Variants in FHIT observed in about 807,000 individuals in gnomAD.
FHIT encodes the protein bis(5'-adenosyl)-triphosphatase.
Under a neutral mutation model 17.9 loss-of-function variants are expected in FHIT, and 19 were observed. The ratio of observed to expected loss-of-function variants is 1.06; its 90% CI spans 0.74 to 1.56. FHIT has a LOEUF of 1.56. Among genes scored for constraint, FHIT ranks in the 40% most tolerant of loss-of-function variants. FHIT has a pLI of 0.00. For synonymous variants in FHIT, 81 were observed against 69.7 expected, an observed-to-expected ratio of 1.16 and a Z score of -0.81; for missense variants, 248 against 189.2, an observed-to-expected ratio of 1.31 and a Z score of -1.82.
chr3:60,864,530 T>A (rs977580242), intron 3 of FHIT, among the ~76,000 whole-genome samples: 1 of 152,052 alleles, frequency 6.6e-6, no homozygotes, highest in African/African-American at 2.4e-5. Flanking sequence ...AGAAACTGCA[T>A]TGGTAAAGCC....
At chr3:60,442,880 T>G (rs866350891) in intron 5 of FHIT, among the ~76,000 whole-genome samples, 2 of 152,124 alleles carry the variant, frequency 1.3e-5, no homozygotes, top group South Asian at 2.1e-4. Flanking sequence ...GCCATTTTCA[T>G]GATATTGATT....
rs368116713 is a variant in FHIT at position 60,537,663 on chromosome 3, G to A, written c.-17-684C>T. 2.2e-3 allele frequency among the ~76,000 whole-genome samples: 332 copies of A among 152,260 alleles called. 2 individuals are homozygous for A. The highest frequency in any genetic ancestry group is 0.017 in the Middle Eastern group (5 of 294). On this transcript the variant is annotated intron_variant, in intron 4 of 9. Coordinates refer to ENST00000492590, the MANE Select transcript of FHIT (RefSeq NM_002012.4). Reference sequence around the variant, plus strand: ...TTCCTTTTGAGGGAAAGCCATGGGGGGCCGGGGGCAGGAAAGGGAGGCTGA... The same window carrying A: ...TTCCTTTTGAGGGAAAGCCATGGGGAGCCGGGGGCAGGAAAGGGAGGCTGA...
At chr3:60,974,495 A>C (rs894391026) in intron 3 of FHIT, among the ~76,000 whole-genome samples, 3 of 152,204 alleles carry the variant, frequency 2.0e-5, no homozygotes, top group African/African-American at 7.2e-5. Context: ...ATCACCACGT[A>C]ATGAAGACCT....
At chr3:60,642,350 T>C (rs984644596) in intron 4 of FHIT, among the ~76,000 whole-genome samples, 1 of 152,246 alleles carries the variant, frequency 6.6e-6, no homozygotes, top group Non-Finnish European at 1.5e-5. Context: ...TTAGAAATGA[T>C]GGCCATTTGG....
chr3:61,044,326 C>T (rs777127550), intron 2 of FHIT, among the ~76,000 whole-genome samples: 1 of 152,158 alleles, frequency 6.6e-6, no homozygotes, highest in Non-Finnish European at 1.5e-5. Context: ...TCAAGAACTA[C>T]ATGACACATG....
intron 2 of FHIT, among the ~76,000 whole-genome samples, chr3:61,101,093 G>A (rs1415132347): frequency 6.6e-6 from 1 of 152,170 alleles, no homozygotes; most frequent in East Asian, 1.9e-4. Flanking sequence ...TTTGGCTTTT[G>A]TTGCCATTGC....
intron 8 of FHIT, among the ~76,000 whole-genome samples, chr3:59,862,711 G>A (rs1211954707): frequency 1.3e-5 from 2 of 152,170 alleles, no homozygotes; most frequent in African/African-American, 4.8e-5. Flanking sequence ...ATCACCACTA[G>A]TGGAGTGAGG....
At chr3:60,495,195 G>C (rs1309976843) in intron 5 of FHIT, among the ~76,000 whole-genome samples, 2 of 151,698 alleles carry the variant, frequency 1.3e-5, no homozygotes, top group Admixed American at 6.6e-5. Context: ...TCTCGTTGTA[G>C]TTCTGATTTG....
At position 60,710,874 on chromosome 3, in the gene FHIT, C is replaced by A. The variant is rs181507034; in HGVS notation, c.-18+111045G>T. Among the ~76,000 whole-genome samples, 17 of 152,308 alleles carry A rather than the reference C, an allele frequency of 1.1e-4. No homozygotes were observed. The East Asian group carries it at 3.1e-3, about 28-fold the overall frequency. ...CAGACAAACAAAAAGACAGCAGTAACCTCTGCAGACTTAAATGTCCCTGAC... is the reference window on the plus strand; with the variant it reads ...CAGACAAACAAAAAGACAGCAGTAAACTCTGCAGACTTAAATGTCCCTGAC... On this transcript the variant is annotated intron_variant, in intron 4 of 9. Coordinates refer to ENST00000492590, the MANE Select transcript of FHIT (RefSeq NM_002012.4).
chr3:60,849,460 A>G (rs1553747608), intron 3 of FHIT, among the ~76,000 whole-genome samples: 2 of 147,954 alleles, frequency 1.4e-5, no homozygotes, highest in Non-Finnish European at 1.5e-5. Flanking sequence ...ATATATATAT[A>G]TATAAAATTA....
chr3:60,504,326 C>T (rs766829145), intron 5 of FHIT, among the ~76,000 whole-genome samples: 3 of 151,814 alleles, frequency 2.0e-5, no homozygotes, highest in South Asian at 2.1e-4. Context: ...CCCAGCTACT[C>T]GGGAGGCTGA....
chr3:60,275,917 C>T (rs1707106570), intron 5 of FHIT, among the ~76,000 whole-genome samples: 1 of 152,088 alleles, frequency 6.6e-6, no homozygotes, highest in African/African-American at 2.4e-5. Context: ...AAAGAACATC[C>T]AGCAATTATT....
intron 4 of FHIT, among the ~76,000 whole-genome samples, chr3:60,665,016 C>G (rs561975405): frequency 6.6e-6 from 1 of 151,682 alleles, no homozygotes; most frequent in Non-Finnish European, 1.5e-5. Flanking sequence ...TTATTTTTCT[C>G]GTTTCTCAAA....
At chr3:60,448,978 T>C (rs547575372) in intron 5 of FHIT, among the ~76,000 whole-genome samples, 1 of 152,308 alleles carries the variant, frequency 6.6e-6, no homozygotes, top group South Asian at 2.1e-4. Flanking sequence ...TCGGTAGGTT[T>C]GGAAAATGAA....
intron 7 of FHIT, among the ~76,000 whole-genome samples, chr3:59,992,697 T>G (rs547606200): frequency 6.6e-6 from 1 of 152,088 alleles, no homozygotes; most frequent in Admixed American, 6.6e-5. Context: ...GTTTCAATAG[T>G]GCTTTGTGCA....
rs139199244 is a variant in FHIT, at chr3:60,501,409, C to A, written c.103+35451G>T. Reference sequence around the variant, plus strand: ...ATACTCAGTTCTATAGATATTTTTTCTTTTAAAAGATCCAAACTAACCCAC... The same window carrying A: ...ATACTCAGTTCTATAGATATTTTTTATTTTAAAAGATCCAAACTAACCCAC... On this transcript the variant is annotated intron_variant, in intron 5 of 9. Coordinates refer to ENST00000492590, the MANE Select transcript of FHIT (RefSeq NM_002012.4). Among the ~76,000 whole-genome samples the A allele has an allele frequency of 4.2e-4, 64 of 152,196 alleles. No homozygotes were observed. In the East Asian group the frequency reaches 8.7e-3, roughly 21 times the overall value.
chr3:59,879,891 T>C (rs1440988830), intron 8 of FHIT, among the ~76,000 whole-genome samples: 1 of 151,936 alleles, frequency 6.6e-6, no homozygotes, highest in African/African-American at 2.4e-5. Flanking sequence ...GAGCCTTTAA[T>C]TCAATGGTTT....
chr3:60,984,782 AGGG>A, intron 3 of FHIT, among the ~76,000 whole-genome samples: 1 of 55,016 alleles, frequency 1.8e-5, no homozygotes, highest in Non-Finnish European at 3.2e-5. Flanking sequence ...AGTTTCATGA[AGGG>A]GTGTGTGTGT....
chr3:60,289,873 A>G (rs1341630047), intron 5 of FHIT, among the ~76,000 whole-genome samples: 1 of 152,212 alleles, frequency 6.6e-6, no homozygotes, highest in African/African-American at 2.4e-5. Flanking sequence ...AGTGGCTTCA[A>G]AGAACTGCCA....
Sources: allele counts gnomAD v4.1 joint callset (sites outside exome capture counted in the v4.1 genomes callset), GRCh38; gene constraint gnomAD v4.1.1; transcripts MANE v1.5; gene names NCBI Gene and HGNC (gene_info 2026-07-23, HGNC 2026-07-21).